The following ZFHX3 variants were observed in gnomAD, a reference collection of about 807,000 sequenced individuals.
ZFHX3 encodes the protein zinc finger homeobox 3, also known as zinc finger homeobox protein 3.
A neutral mutation model predicts 279.1 loss-of-function variants in ZFHX3; 42 were observed. The ratio of observed to expected loss-of-function variants is 0.15; its 90% confidence interval spans 0.12 to 0.19. The LOEUF (loss-of-function observed/expected upper bound fraction) is 0.19. Ranked by LOEUF, ZFHX3 falls within the 10% of genes least tolerant of loss-of-function variation. ZFHX3 has a pLI of 1.00. For synonymous variants in ZFHX3, 2,293 were observed against 1,957.8 expected (o/e 1.17, Z -4.52); for missense variants, 4,981 against 4,754.0 (o/e 1.05, Z -1.40).
intron 2 of ZFHX3, among the ~76,000 whole-genome samples, chr16:73,559,890 AGTCCT>A (rs950326938): frequency 9.2e-5 from 14 of 152,332 alleles, no homozygotes; most frequent in African/African-American, 3.4e-4. Flanking sequence ...CCTAGGACAA[AGTCCT>A]GTGAGCAGGT....
At chr16:73,373,672 C>T (rs775018228) in intron 3 of ZFHX3, among the ~76,000 whole-genome samples, 9 of 152,132 alleles carry the variant, frequency 5.9e-5, no homozygotes, top group Admixed American at 2.0e-4. Context: ...TAAAATGAGG[C>T]GGTACATGAT....
rs373223830 is a variant in ZFHX3, at chr16:73,058,855, G to A, written c.-349C>T. ...TTTACAGCCCCCGGAGCGGGCAGGG[G>A]CCACGGAAGAGAAGCGGCGGCGGCG... On this transcript the variant is annotated 5_prime_UTR_variant, in exon 1 of 9. Coordinates refer to the ZFHX3 transcript ENST00000397992. 3.3e-3 allele frequency: 545 copies of A among 167,058 alleles called. 4 individuals carry two copies. The highest frequency in any genetic ancestry group is 0.018 in the Middle Eastern group (6 of 330). The allele number at this position is 167,058 out of a possible 1,614,324, so 10.3% of individuals were successfully genotyped here.
At chr16:73,366,124 A>T (rs2085846175) in intron 3 of ZFHX3, among the ~76,000 whole-genome samples, 1 of 152,238 alleles carries the variant, frequency 6.6e-6, no homozygotes, top group African/African-American at 2.4e-5. Flanking sequence ...TCACTAGGAT[A>T]CTTTAAAAGA....
At chr16:73,094,066 C>T (rs1048213323) in intron 7 of ZFHX3, among the ~76,000 whole-genome samples, 1 of 152,104 alleles carries the variant, frequency 6.6e-6, no homozygotes, top group Admixed American at 6.5e-5. Flanking sequence ...TGTGGACCCC[C>T]CCAACCCCCT....
intron 2 of ZFHX3, among the ~76,000 whole-genome samples, chr16:73,562,963 A>G (rs1003345561): frequency 1.3e-5 from 2 of 152,176 alleles, no homozygotes; most frequent in African/African-American, 4.8e-5. Flanking sequence ...CCCATAAGGG[A>G]AACCTTTGCT....
At chr16:73,370,832 C>T (rs570799396) in intron 3 of ZFHX3, among the ~76,000 whole-genome samples, 3 of 152,300 alleles carry the variant, frequency 2.0e-5, no homozygotes, top group South Asian at 2.1e-4. Flanking sequence ...ACAGGTCTGT[C>T]CTTCACTTTC....
At chr16:73,881,042 C>T (rs891364301) in intron 1 of ZFHX3, among the ~76,000 whole-genome samples, 1 of 152,172 alleles carries the variant, frequency 6.6e-6, no homozygotes, top group Non-Finnish European at 1.5e-5. Context: ...ACTACATCCG[C>T]TCTTCAAATA....
At position 73,871,494 on chromosome 16, in the gene ZFHX3, A is replaced by AGAG. The variant is rs1555505987; in HGVS notation, c.-1608+20156_-1608+20157insCTC. 4.0e-5 allele frequency among the ~76,000 whole-genome samples: 6 copies of AGAG among 149,636 alleles called. No homozygotes were observed. The South Asian group carries it at 1.1e-3, about 26-fold the overall frequency. On this transcript the variant is annotated intron_variant, in intron 1 of 17. Coordinates refer to the ZFHX3 transcript ENST00000641206. ...TCCCTGGGAGGACAATAAAAAAAAAAAGAGAGAGAGAGAGAGAGAGTGTGT... is the reference window on the plus strand; with the variant it reads ...TCCCTGGGAGGACAATAAAAAAAAAAGAGAGAGAGAGAGAGAGAGAGAGTGTGT...
intron 1 of ZFHX3, among the ~76,000 whole-genome samples, chr16:73,042,956 G>A (rs1225835518): frequency 4.0e-5 from 6 of 151,834 alleles, no homozygotes; most frequent in Non-Finnish European, 4.4e-5. Context: ...AGAATAGAAA[G>A]TGAGAGGCAT....
intron 1 of ZFHX3, among the ~76,000 whole-genome samples, chr16:73,725,540 A>AGTGT (rs35247672): frequency 5.7e-4 from 85 of 148,354 alleles, no homozygotes; most frequent in African/African-American, 1.9e-3. Context: ...AGTGTGAGTG[A>AGTGT]GTGTGTGTGT....
intron 2 of ZFHX3, among the ~76,000 whole-genome samples, chr16:73,643,706 T>A (rs2052593623): frequency 6.6e-6 from 1 of 152,218 alleles, no homozygotes; most frequent in Non-Finnish European, 1.5e-5. Flanking sequence ...GGAGTGTTTC[T>A]TACATTTGTT....
chr16:73,832,792 T>TAC (rs373714808), intron 1 of ZFHX3, among the ~76,000 whole-genome samples: 2 of 151,940 alleles, frequency 1.3e-5, no homozygotes, highest in Non-Finnish European at 2.9e-5. Flanking sequence ...AATATATATC[T>TAC]ACACACACAC....
At chr16:73,248,983 G>T (rs1273858650) in intron 5 of ZFHX3, among the ~76,000 whole-genome samples, 1 of 152,130 alleles carries the variant, frequency 6.6e-6, no homozygotes, top group Non-Finnish European at 1.5e-5. Context: ...AATTAGATAC[G>T]TTTTCATTCA....
intron 2 of ZFHX3, among the ~76,000 whole-genome samples, chr16:73,516,418 C>T (rs1017644047): frequency 6.6e-6 from 1 of 152,094 alleles, no homozygotes; most frequent in South Asian, 2.1e-4. Flanking sequence ...TATTCAAGTA[C>T]CCAAAGTTTA....
intron 2 of ZFHX3, among the ~76,000 whole-genome samples, chr16:73,539,686 T>C (rs578246538): frequency 4.6e-5 from 7 of 152,086 alleles, no homozygotes; most frequent in Non-Finnish European, 1.0e-4. Flanking sequence ...TTTGATGCTG[T>C]TCAGTAAAGA....
intron 3 of ZFHX3, among the ~76,000 whole-genome samples, chr16:72,910,960 G>C (rs529495504): frequency 2.0e-5 from 3 of 152,318 alleles, no homozygotes; most frequent in African/African-American, 7.2e-5. Flanking sequence ...CCCTGGGTCC[G>C]AATGTGAAAG....
intron 4 of ZFHX3, among the ~76,000 whole-genome samples, chr16:73,277,814 G>GT (rs1301444743): frequency 3.9e-5 from 6 of 152,184 alleles, no homozygotes; most frequent in Non-Finnish European, 8.8e-5. Flanking sequence ...AAATATAGTG[G>GT]TTTTGGCTTC....
At chr16:73,679,761 C>T (rs895756334) in intron 2 of ZFHX3, 20 of 152,150 alleles carry the variant, frequency 1.3e-4, no homozygotes, top group African/African-American at 4.8e-4. Flanking sequence ...TCATGTGGTA[C>T]TTTACCAAGA....
At chr16:73,710,564 C>T (rs1261198947) in intron 1 of ZFHX3, among the ~76,000 whole-genome samples, 1 of 152,176 alleles carries the variant, frequency 6.6e-6, no homozygotes, top group Non-Finnish European at 1.5e-5. Flanking sequence ...TAAAACTAGG[C>T]CACTGCAATG....
Sources: allele counts gnomAD v4.1 joint callset (sites outside exome capture counted in the v4.1 genomes callset), GRCh38; gene constraint gnomAD v4.1.1; transcripts MANE v1.5; gene names NCBI Gene and HGNC (gene_info 2026-07-23, HGNC 2026-07-21).